The following SGCE variants were observed in gnomAD, a reference collection of about 807,000 sequenced individuals.
The protein encoded by SGCE is sarcoglycan epsilon.
In SGCE, 26 loss-of-function variants were observed where a neutral mutation model predicts 57.8. The observed-to-expected ratio is 0.45, with a 90% confidence interval of 0.33 to 0.62. SGCE has a LOEUF of 0.62. Among genes scored for constraint, SGCE ranks in the 20% least tolerant of loss-of-function variants. The probability of loss-of-function intolerance (pLI) is 0.02; values close to 1 mark genes in which losing one functional copy is unlikely to be tolerated. For synonymous variants in SGCE, 183 were observed against 189.5 expected (o/e 0.97, Z 0.28); for missense variants, 468 against 548.6 (o/e 0.85, Z 1.47).
chr7:94,596,541 G>A (rs1333923516), intron 9 of SGCE, among the ~76,000 whole-genome samples: 1 of 151,980 alleles, frequency 6.6e-6, no homozygotes, highest in Non-Finnish European at 1.5e-5. Context: ...CTTTTCCTAT[G>A]GATTCACAAA....
rs540738393 is a variant in SGCE at position 94,624,481 on chromosome 7, C to A, written c.391-1084G>T. 2.0e-4 allele frequency: 68 copies of A among 346,044 alleles called. 1 individual carries two copies. The South Asian group carries it at 2.9e-3, about 15-fold the overall frequency. 21.4% of individuals were successfully genotyped at this position (346,044 alleles called of 1,614,324 possible). On this transcript the variant is annotated intron_variant, in intron 3 of 10. Transcript: ENST00000648936. Reference sequence around the variant, plus strand: ...ATATTACTCCATAAAGTTAAAAGAACCTCTCTCTCCAGGATTTGCCAAATT... The same window carrying A: ...ATATTACTCCATAAAGTTAAAAGAAACTCTCTCTCCAGGATTTGCCAAATT...
chr7:94,640,288 T>C (rs947561808), intron 1 of SGCE, among the ~76,000 whole-genome samples: 1 of 152,206 alleles, frequency 6.6e-6, no homozygotes, highest in Non-Finnish European at 1.5e-5. Flanking sequence ...TTTAAAGTTC[T>C]TCTCCAGAGA....
At chr7:94,655,934 G>T in intron 1 of SGCE, 56 bp downstream of exon 1, 1 of 1,141,634 alleles carries the variant, frequency 8.8e-7, no homozygotes, top group Non-Finnish European at 1.3e-6. Flanking sequence ...AGCGGGGGAG[G>T]GGGAGGCGGC....
In SGCE at chr7:94,635,521, T is replaced by C. The variant is rs189803365; in HGVS notation, c.110-5680A>G. On this transcript the variant is annotated intron_variant, in intron 1 of 10. Coordinates refer to ENST00000648936, the MANE Select transcript of SGCE (RefSeq NM_003919.3). ...ATAGTTTTAACATCTAAAAACTCTT[T>C]ATGAGATTCAGAGTCCCTGTATACA... is the stretch of plus-strand genomic sequence containing the variant. 1.1e-3 allele frequency among the ~76,000 whole-genome samples: 164 copies of C among 152,330 alleles called. 1 individual carries two copies. Among genetic ancestry groups the C allele is most frequent in the African/African-American group, 3.6e-3 (150 of 41,592 alleles).
chr7:94,598,607 G>A (rs553552097), intron 9 of SGCE, 168 bp downstream of exon 9: 6 of 651,614 alleles, frequency 9.2e-6, no homozygotes, highest in Non-Finnish European at 1.6e-5. Flanking sequence ...AAAAGTAATT[G>A]TATTGTATAT....
intron 10 of SGCE, chr7:94,588,392 G>C: frequency 8.5e-7 from 1 of 1,173,222 alleles, no homozygotes. Flanking sequence ...TTCATACCAA[G>C]GGGAAGAATA....
At position 94,625,388 on chromosome 7, in the gene SGCE, A is replaced by ATAG. The variant is rs1803539803; in HGVS notation, c.391-1992_391-1991insCTA. 2.6e-5 allele frequency: 4 copies of ATAG among 152,060 alleles called. No individual in the cohort carries two copies. The South Asian group carries it at 8.3e-4, about 32-fold the overall frequency. The allele number at this position is 152,060 out of a possible 1,614,324, so 9.4% of individuals were successfully genotyped here. A position where few individuals can be genotyped will look rare whatever the true frequency, so the allele number is the denominator to read the frequency against. ...TTTTTTATCTTTTTACTATATTTTT[A>ATAG]TACATATTCATAACACAGTATGTTA... On this transcript the variant is annotated intron_variant, in intron 3 of 10. Coordinates refer to ENST00000648936, the MANE Select transcript of SGCE (RefSeq NM_003919.3).
chr7:94,642,505 C>A (rs760240969), intron 1 of SGCE, among the ~76,000 whole-genome samples: 3 of 152,094 alleles, frequency 2.0e-5, no homozygotes, highest in South Asian at 2.1e-4. Context: ...GTAAAAAATT[C>A]TAAAACACAT....
At chr7:94,648,107 T>A (rs1034359214) in intron 1 of SGCE, among the ~76,000 whole-genome samples, 1 of 152,000 alleles carries the variant, frequency 6.6e-6, no homozygotes, top group Non-Finnish European at 1.5e-5. Flanking sequence ...GTGTGGTGGC[T>A]CACACCTGTA....
intron 6 of SGCE, among the ~76,000 whole-genome samples, chr7:94,601,668 A>G (rs2116706402): frequency 6.6e-6 from 1 of 152,224 alleles, no homozygotes; most frequent in Admixed American, 6.6e-5. Context: ...TCTTCTCCCA[A>G]AAAACTCCAC....
intron 1 of SGCE, among the ~76,000 whole-genome samples, chr7:94,630,932 A>G (rs1804610642): frequency 6.6e-6 from 1 of 151,952 alleles, no homozygotes; most frequent in South Asian, 2.1e-4. Context: ...AAACTCCCAC[A>G]AAATGTTTCT....
chr7:94,614,124 A>C (rs186917994), intron 5 of SGCE, among the ~76,000 whole-genome samples: 108 of 151,464 alleles, frequency 7.1e-4, no homozygotes, highest in African/African-American at 2.4e-3. Flanking sequence ...AAAAAAAAAA[A>C]AAAAAACACA....
intron 1 of SGCE, among the ~76,000 whole-genome samples, chr7:94,630,196 T>G (rs1004333061): frequency 6.6e-6 from 1 of 151,894 alleles, no homozygotes; most frequent in Non-Finnish European, 1.5e-5. Flanking sequence ...TCATGAGAAC[T>G]GACCAGCTAC....
intron 1 of SGCE, among the ~76,000 whole-genome samples, chr7:94,646,265 T>C (rs1313415350): frequency 4.6e-5 from 7 of 152,258 alleles, no homozygotes; most frequent in East Asian, 1.9e-4. Context: ...CAAAAAGTTA[T>C]GTGTGAGCAA....
chr7:94,622,064 C>T (rs1802880011), intron 4 of SGCE: 1 of 152,088 alleles, frequency 6.6e-6, no homozygotes, highest in African/African-American at 2.4e-5. Context: ...TTTAATTTTA[C>T]AGAAATTCCT....
At chr7:94,599,058 T>C (rs1798832887) in intron 8 of SGCE, 95 bp from the exon 9 acceptor site, 1 of 910,410 alleles carries the variant, frequency 1.1e-6, no homozygotes, top group Non-Finnish European at 1.7e-6. Context: ...TTTTTATCTT[T>C]TAAAATAATA....
chr7:94,608,667 A>G (rs547301986), intron 5 of SGCE, among the ~76,000 whole-genome samples: 1 of 152,332 alleles, frequency 6.6e-6, no homozygotes, highest in Non-Finnish European at 1.5e-5. Flanking sequence ...ACCCAACATC[A>G]AGATTTACTA....
intron 3 of SGCE, chr7:94,627,950 CTCTTT>C: frequency 2.4e-6 from 1 of 420,090 alleles, no homozygotes; most frequent in South Asian, 3.7e-5. Context: ...TTATAATAAT[CTCTTT>C]TAAGGTCATA....
chr7:94,645,061 AC>A (rs760225950), intron 1 of SGCE, among the ~76,000 whole-genome samples: 9 of 152,176 alleles, frequency 5.9e-5, no homozygotes, highest in Non-Finnish European at 8.8e-5. Context: ...ATGTTAACTC[AC>A]CCCAGGTCTT....
Sources: gnomAD v4.1 joint callset for allele counts (sites outside exome capture counted in the v4.1 genomes callset) on GRCh38, gnomAD v4.1.1 for gene constraint, MANE v1.5 for transcripts, NCBI Gene and HGNC (gene_info 2026-07-23, HGNC 2026-07-21) for gene names.